Variants in LINGO2 observed in about 807,000 individuals in gnomAD.
LINGO2 encodes the protein leucine-rich repeat and immunoglobulin-like domain-containing nogo receptor-interacting protein 2.
Under a neutral mutation model 30.6 loss-of-function variants are expected in LINGO2, and 14 were observed. The ratio of observed to expected loss-of-function variants is 0.46; its 90% CI spans 0.30 to 0.72. LINGO2 has a LOEUF of 0.72. LINGO2 is among the 30% of genes least tolerant of loss of function. LINGO2 has a pLI of 0.07. For missense variants in LINGO2, 729 were observed against 751.7 expected (o/e 0.97, Z 0.35); for synonymous variants, 317 against 288.5 (o/e 1.10, Z -1.00).
chr9:28,974,324 T>C, the LINGO2 span, among the ~76,000 whole-genome samples: 1 of 152,148 alleles, frequency 6.6e-6, no homozygotes, highest in East Asian at 1.9e-4. Flanking sequence ...GAGAATTGCC[T>C]GAAGCTGGTA....
chr9:28,995,881 G>A, the LINGO2 span, among the ~76,000 whole-genome samples: 6 of 115,056 alleles, frequency 5.2e-5, no homozygotes, highest in African/African-American at 1.4e-4. Flanking sequence ...GGGGTAGGGG[G>A]ATGGGGGAGG....
intron 3 of LINGO2, among the ~76,000 whole-genome samples, chr9:28,361,948 GC>G (rs1018839182): frequency 1.3e-5 from 2 of 152,138 alleles, no homozygotes; most frequent in African/African-American, 2.4e-5. Context: ...TGCTTTGAAA[GC>G]CAGACTCATT....
At chr9:28,404,799 T>G (rs1822424672) in intron 2 of LINGO2, among the ~76,000 whole-genome samples, 1 of 152,124 alleles carries the variant, frequency 6.6e-6, no homozygotes. Context: ...CTGAATAATT[T>G]CATCCATAAG....
intron 1 of LINGO2, among the ~76,000 whole-genome samples, chr9:28,528,961 T>A (rs906820058): frequency 6.6e-6 from 1 of 152,162 alleles, no homozygotes; most frequent in African/African-American, 2.4e-5. Flanking sequence ...AAGGATTAAG[T>A]GTTATTCAAA....
At chr9:27,989,826 A>G (rs956950075) in intron 5 of LINGO2, among the ~76,000 whole-genome samples, 1 of 152,076 alleles carries the variant, frequency 6.6e-6, no homozygotes, top group African/African-American at 2.4e-5. Context: ...TTCATGCAAG[A>G]AAGTTGTAGA....
chr9:28,881,008 CCT>C, the LINGO2 span, among the ~76,000 whole-genome samples: 1 of 152,118 alleles, frequency 6.6e-6, no homozygotes, highest in African/African-American at 2.4e-5. Context: ...CGACTACATT[CCT>C]TTCTGCTGAA....
chr9:28,918,309 C>G, the LINGO2 span, among the ~76,000 whole-genome samples: 2 of 152,160 alleles, frequency 1.3e-5, no homozygotes, highest in Non-Finnish European at 2.9e-5. Context: ...ACCACCCCCC[C>G]AGGGTTCAAA....
At chr9:28,836,507 G>T in the LINGO2 span, among the ~76,000 whole-genome samples, 1 of 152,064 alleles carries the variant, frequency 6.6e-6, no homozygotes, top group East Asian at 1.9e-4. Context: ...GGAGAGATGG[G>T]GTTTCTCCAT....
intron 1 of LINGO2, among the ~76,000 whole-genome samples, chr9:28,561,547 T>C (rs144199123): frequency 0.035 from 5,126 of 145,454 alleles, 255 homozygotes; most frequent in African/African-American, 0.097. Context: ...TATACATCAG[T>C]AATTGGTTTA....
At chr9:27,987,393 G>C (rs895608860) in intron 5 of LINGO2, among the ~76,000 whole-genome samples, 3 of 151,606 alleles carry the variant, frequency 2.0e-5, no homozygotes, top group African/African-American at 7.3e-5. Flanking sequence ...TCCAGGCTCA[G>C]CCTTTTGAGT....
intron 3 of LINGO2, among the ~76,000 whole-genome samples, chr9:28,346,820 C>A (rs1274869357): frequency 6.6e-6 from 1 of 151,676 alleles, no homozygotes; most frequent in African/African-American, 2.4e-5. Flanking sequence ...TGCTTGTTGG[C>A]CACATGTATG....
At chr9:28,941,746 G>A in the LINGO2 span, among the ~76,000 whole-genome samples, 1 of 151,914 alleles carries the variant, frequency 6.6e-6, no homozygotes, top group African/African-American at 2.4e-5. Flanking sequence ...TATAATTTTG[G>A]GGTTACTATA....
chr9:28,992,858 C>T, the LINGO2 span, among the ~76,000 whole-genome samples: 6 of 151,952 alleles, frequency 3.9e-5, no homozygotes, highest in South Asian at 1.3e-3. Flanking sequence ...GGGACACATT[C>T]AAAGCAGTGT....
At chr9:28,762,668 A>T in the LINGO2 span, among the ~76,000 whole-genome samples, 1 of 151,892 alleles carries the variant, frequency 6.6e-6, no homozygotes, top group Admixed American at 6.6e-5. Context: ...CTTGATCTCA[A>T]CCCCTCTCTT....
chr9:27,960,070 G>A (rs1047559507), intron 5 of LINGO2, among the ~76,000 whole-genome samples: 3 of 151,788 alleles, frequency 2.0e-5, no homozygotes, highest in Non-Finnish European at 4.4e-5. Flanking sequence ...TATATTGGGG[G>A]TTATTTCATT....
At chr9:29,198,620 A>G in the LINGO2 span, among the ~76,000 whole-genome samples, 27 of 152,182 alleles carry the variant, frequency 1.8e-4, no homozygotes, top group South Asian at 4.4e-3. Context: ...GTCATTCCGT[A>G]TTTTTTAAGC....
At chr9:28,372,381 A>G (rs1820938143) in intron 3 of LINGO2, among the ~76,000 whole-genome samples, 1 of 152,244 alleles carries the variant, frequency 6.6e-6, no homozygotes, top group Admixed American at 6.5e-5. Context: ...GGATAGAACA[A>G]GGGAACATTA....
chr9:28,782,770 T>A, the LINGO2 span, among the ~76,000 whole-genome samples: 1 of 152,158 alleles, frequency 6.6e-6, no homozygotes, highest in African/African-American at 2.4e-5. Context: ...GCCTACAACT[T>A]TAGAAAGTAC....
intron 4 of LINGO2, among the ~76,000 whole-genome samples, chr9:28,111,509 C>G (rs180931262): frequency 1.3e-5 from 2 of 151,960 alleles, no homozygotes; most frequent in African/African-American, 4.8e-5. Context: ...ACTTTTAACT[C>G]GGGCCAGCTG....
Sources: allele counts gnomAD v4.1 joint callset (sites outside exome capture counted in the v4.1 genomes callset), GRCh38; gene constraint gnomAD v4.1.1; transcripts MANE v1.5; gene names NCBI Gene and HGNC (gene_info 2026-07-23, HGNC 2026-07-21).